The following GRIA1 variants were observed in gnomAD, a reference collection of about 807,000 sequenced individuals.
GRIA1 encodes the protein glutamate receptor 1.
In GRIA1, 31 loss-of-function variants were observed where a neutral mutation model predicts 99.2. That is an observed-to-expected ratio of 0.31 (90% CI 0.23 to 0.42). The LOEUF is 0.42. Among genes scored for constraint, GRIA1 ranks in the 10% least tolerant of loss-of-function variants. The pLI is 1.00. For synonymous variants in GRIA1, 438 were observed against 432.4 expected (o/e 1.01, Z -0.16); for missense variants, 782 against 1,157.5 (o/e 0.68, Z 4.71).
At chr5:153,693,064 CT>C (rs930445486) in intron 8 of GRIA1, among the ~76,000 whole-genome samples, 2 of 152,084 alleles carry the variant, frequency 1.3e-5, no homozygotes, top group East Asian at 1.9e-4. Context: ...GCAAAAGAAG[CT>C]TTTTTTTGTT....
chr5:153,776,200 A>G, intron 13 of GRIA1, among the ~76,000 whole-genome samples: 1 of 152,150 alleles, frequency 6.6e-6, no homozygotes, highest in South Asian at 2.1e-4. Context: ...GGAGATAATG[A>G]ATGTGGTCAT....
chr5:153,517,377 G>A (rs1756726041), intron 2 of GRIA1, among the ~76,000 whole-genome samples: 1 of 152,130 alleles, frequency 6.6e-6, no homozygotes, highest in African/African-American at 2.4e-5. Flanking sequence ...TTTGTGGGGA[G>A]CAGAACATTT....
intron 11 of GRIA1, among the ~76,000 whole-genome samples, chr5:153,733,606 C>T (rs970540901): frequency 6.6e-6 from 1 of 152,072 alleles, no homozygotes; most frequent in African/African-American, 2.4e-5. Flanking sequence ...TACATGCTGC[C>T]TATAAGAGAC....
intron 14 of GRIA1, among the ~76,000 whole-genome samples, chr5:153,801,954 G>GGA (rs1554130088): frequency 6.1e-5 from 6 of 97,904 alleles, no homozygotes; most frequent in African/African-American, 2.0e-4. Context: ...AATTGGGGCG[G>GGA]GGGGGGGCGG....
At chr5:153,784,490 A>G (rs1764843443) in intron 13 of GRIA1, among the ~76,000 whole-genome samples, 1 of 152,166 alleles carries the variant, frequency 6.6e-6, no homozygotes, top group Non-Finnish European at 1.5e-5. Context: ...CCTGACCAGC[A>G]TTTCTTCTCA....
At position 153,674,600 on chromosome 5, in the gene GRIA1, T is replaced by C. The variant is rs146839800; in HGVS notation, c.800T>C (p.Met267Thr). The C allele has an allele frequency of 3.3e-5, 54 of 1,614,072 alleles. No homozygotes were observed. In the African/African-American group the frequency reaches 6.9e-4, roughly 21 times the overall value. Residue 267 changes from methionine (M) to threonine (T), a missense_variant, in exon 6 of 16, where the codon ATG becomes ACG. Physicochemically the swap from Met to Thr is moderately conservative, Grantham distance 81 (BLOSUM62 -1). Transcript: ENST00000285900. ...ACAGACACTATTCCGGCCAAGATCATGCAGCAGTGGAAGAATAGTGATGCT... is the reference window on the plus strand; with the variant it reads ...ACAGACACTATTCCGGCCAAGATCACGCAGCAGTGGAAGAATAGTGATGCT... Reference protein sequence around the residue: ...NYTDTIPAKIMQQWKNSDARD... With the variant: ...NYTDTIPAKITQQWKNSDARD...
chr5:153,579,201 T>C (rs1252735430), intron 2 of GRIA1, among the ~76,000 whole-genome samples: 17 of 152,208 alleles, frequency 1.1e-4, no homozygotes. Context: ...TTCCAGGAGT[T>C]TGTGTGGAAC....
chr5:153,767,247 G>A (rs143644210), intron 12 of GRIA1, among the ~76,000 whole-genome samples: 9 of 152,264 alleles, frequency 5.9e-5, no homozygotes, highest in East Asian at 3.9e-4. Flanking sequence ...TAATCTCCAC[G>A]GCAACACTGT....
chr5:153,636,604 T>C (rs1489943199), intron 2 of GRIA1, among the ~76,000 whole-genome samples: 1 of 152,234 alleles, frequency 6.6e-6, no homozygotes, highest in African/African-American at 2.4e-5. Flanking sequence ...TGCCTATACC[T>C]GGCATAGAGG....
chr5:153,705,583 C>T, intron 10 of GRIA1, 114 bp from the exon 11 acceptor site: 6 of 1,343,954 alleles, frequency 4.5e-6, no homozygotes, highest in Non-Finnish European at 5.8e-6. Context: ...TTCCCACTCT[C>T]ATATCCTTTA....
At chr5:153,531,381 C>T (rs1449150834) in intron 2 of GRIA1, among the ~76,000 whole-genome samples, 2 of 152,160 alleles carry the variant, frequency 1.3e-5, no homozygotes, top group Non-Finnish European at 2.9e-5. Context: ...GCAGGAACTG[C>T]CTTCTGTGTA....
intron 14 of GRIA1, among the ~76,000 whole-genome samples, chr5:153,799,494 C>T: frequency 6.6e-6 from 1 of 152,166 alleles, no homozygotes; most frequent in East Asian, 1.9e-4. Flanking sequence ...TAAATTGAAA[C>T]TCCTCAGCTA....
chr5:153,497,162 T>C (rs1009426871), intron 2 of GRIA1, among the ~76,000 whole-genome samples: 2 of 152,170 alleles, frequency 1.3e-5, no homozygotes, highest in Non-Finnish European at 2.9e-5. Flanking sequence ...TGGTCTGCCA[T>C]TGTTAAAGAG....
intron 12 of GRIA1, among the ~76,000 whole-genome samples, chr5:153,765,750 A>G (rs1018788033): frequency 6.6e-6 from 1 of 152,244 alleles, no homozygotes; most frequent in African/African-American, 2.4e-5. Context: ...GCTACCGCCT[A>G]CATATGAACC....
chr5:153,656,593 G>C (rs1251269163), intron 5 of GRIA1, among the ~76,000 whole-genome samples: 1 of 151,406 alleles, frequency 6.6e-6, no homozygotes, highest in Non-Finnish European at 1.5e-5. Context: ...GTCATGTTTT[G>C]TACCTCCAGC....
chr5:153,746,873 A>G (rs1762194602), intron 11 of GRIA1, among the ~76,000 whole-genome samples: 2 of 152,146 alleles, frequency 1.3e-5, no homozygotes, highest in Admixed American at 1.3e-4. Flanking sequence ...GAGACCTGAG[A>G]AGGTAAATCT....
chr5:153,631,964 G>A (rs767270681), intron 2 of GRIA1, among the ~76,000 whole-genome samples: 14 of 152,126 alleles, frequency 9.2e-5, no homozygotes, highest in Non-Finnish European at 1.0e-4. Flanking sequence ...ATGAGGGAAA[G>A]GGAAATGATA....
chr5:153,513,884 C>A (rs1756351309), intron 2 of GRIA1, among the ~76,000 whole-genome samples: 1 of 152,168 alleles, frequency 6.6e-6, no homozygotes, highest in Non-Finnish European at 1.5e-5. Flanking sequence ...CTATCACAAG[C>A]AGTCTTTACA....
intron 12 of GRIA1, among the ~76,000 whole-genome samples, chr5:153,768,836 C>A (rs1039653010): frequency 1.3e-5 from 2 of 152,122 alleles, no homozygotes; most frequent in African/African-American, 2.4e-5. Flanking sequence ...AAAAAGTAGT[C>A]CGTTACATGT....
Sources: gnomAD v4.1 joint callset for allele counts (sites outside exome capture counted in the v4.1 genomes callset) on GRCh38, gnomAD v4.1.1 for gene constraint, MANE v1.5 for transcripts, NCBI Gene and HGNC (gene_info 2026-07-23, HGNC 2026-07-21) for gene names.